Variants in CNBD1 observed in about 807,000 individuals in gnomAD.
The protein encoded by CNBD1 is cyclic nucleotide binding domain containing 1, also known as cyclic nucleotide-binding domain-containing protein 1.
Under a neutral mutation model 54.4 loss-of-function variants are expected in CNBD1, and 71 were observed. The observed-to-expected ratio is 1.30, with a 90% CI of 1.08 to 1.59. CNBD1 has a LOEUF of 1.59. Ranked by LOEUF, CNBD1 falls within the 40% of genes most tolerant of loss-of-function variation. CNBD1 has a pLI of 0.00. For missense variants in CNBD1, 659 were observed against 518.0 expected, an observed-to-expected ratio of 1.27 and a Z score of -2.64; for synonymous variants, 182 against 170.7, an observed-to-expected ratio of 1.07 and a Z score of -0.51.
downstream of CNBD1, among the ~76,000 whole-genome samples, chr8:87,386,318 C>G (rs553260256): frequency 2.0e-5 from 3 of 152,074 alleles, no homozygotes; most frequent in East Asian, 3.9e-4. Flanking sequence ...CTACTCCGAG[C>G]TAAAGCAGGA....
downstream of CNBD1, among the ~76,000 whole-genome samples, chr8:87,383,290 G>A (rs548382951): frequency 2.0e-5 from 3 of 152,016 alleles, no homozygotes; most frequent in African/African-American, 7.2e-5. Context: ...TATAGTTTCA[G>A]TTTATCTTTT....
At chr8:87,279,730 A>G (rs1808557785) in intron 6 of CNBD1, among the ~76,000 whole-genome samples, 1 of 151,128 alleles carries the variant, frequency 6.6e-6, no homozygotes, top group Non-Finnish European at 1.5e-5. Context: ...TTTTATATAT[A>G]TGTATAAATA....
intron 2 of CNBD1, among the ~76,000 whole-genome samples, chr8:87,389,780 G>T (rs185857514): frequency 6.6e-6 from 1 of 152,056 alleles, no homozygotes; most frequent in Non-Finnish European, 1.5e-5. Flanking sequence ...AAAGGAGCCC[G>T]CATTGCCCAG....
intron 4 of CNBD1, among the ~76,000 whole-genome samples, chr8:86,974,601 T>G (rs1808299808): frequency 6.6e-6 from 1 of 152,042 alleles, no homozygotes; most frequent in African/African-American, 2.4e-5. Flanking sequence ...ATGCCTATCA[T>G]CATATTTGAA....
intron 5 of CNBD1, among the ~76,000 whole-genome samples, chr8:87,229,731 A>G (rs1050233528): frequency 6.6e-6 from 1 of 152,108 alleles, no homozygotes; most frequent in African/African-American, 2.4e-5. Flanking sequence ...CCCCTAGTAC[A>G]TCTATACAGA....
chr8:86,880,950 A>G (rs2131778721), intron 1 of CNBD1, among the ~76,000 whole-genome samples: 1 of 152,316 alleles, frequency 6.6e-6, no homozygotes, highest in South Asian at 2.1e-4. Flanking sequence ...ATAGATGCAG[A>G]AAAAGGCTTT....
At chr8:87,061,422 C>G (rs1810544153) in intron 4 of CNBD1, among the ~76,000 whole-genome samples, 1 of 152,180 alleles carries the variant, frequency 6.6e-6, no homozygotes, top group African/African-American at 2.4e-5. Context: ...CCATAAGGAG[C>G]TAATTTACTT....
intron 2 of CNBD1, among the ~76,000 whole-genome samples, chr8:87,403,116 C>T (rs1184419108): frequency 7.2e-6 from 1 of 139,316 alleles, no homozygotes; most frequent in Non-Finnish European, 1.5e-5. Context: ...ATTAGAAGCA[C>T]CAACATAGAA....
At chr8:87,099,956 G>A (rs1352065075) in intron 4 of CNBD1, among the ~76,000 whole-genome samples, 3 of 152,166 alleles carry the variant, frequency 2.0e-5, no homozygotes, top group Non-Finnish European at 2.9e-5. Flanking sequence ...AACCCTATTT[G>A]TGGCAAACTC....
intron 8 of CNBD1, among the ~76,000 whole-genome samples, chr8:87,304,245 A>G (rs1264378512): frequency 6.6e-6 from 1 of 152,104 alleles, no homozygotes; most frequent in East Asian, 1.9e-4. Context: ...CCAAATGTCC[A>G]ACAATGATAG....
chr8:87,312,173 C>A (rs1809280466), intron 8 of CNBD1, among the ~76,000 whole-genome samples: 1 of 151,964 alleles, frequency 6.6e-6, no homozygotes, highest in African/African-American at 2.4e-5. Flanking sequence ...GTAATTTTCG[C>A]AATAAAACAT....
chr8:87,160,185 T>C (rs1812826196), intron 4 of CNBD1, among the ~76,000 whole-genome samples: 1 of 152,110 alleles, frequency 6.6e-6, no homozygotes, highest in South Asian at 2.1e-4. Flanking sequence ...GTGAAAAAAC[T>C]TATTTCTTAA....
At chr8:86,900,013 C>T (rs1187079753) in intron 2 of CNBD1, among the ~76,000 whole-genome samples, 1 of 152,120 alleles carries the variant, frequency 6.6e-6, no homozygotes, top group Non-Finnish European at 1.5e-5. Context: ...CACTTTCCCC[C>T]CTCTTTTCTT....
intron 10 of CNBD1, among the ~76,000 whole-genome samples, chr8:87,360,925 C>G (rs1810513119): frequency 6.6e-6 from 1 of 151,858 alleles, no homozygotes; most frequent in South Asian, 2.1e-4. Context: ...ATCTGTTAAG[C>G]ATTTCAGGGG....
chr8:87,407,595 A>G (rs117230878), intron 2 of CNBD1, among the ~76,000 whole-genome samples: 1,676 of 152,126 alleles, frequency 0.011, 12 homozygotes, highest in Non-Finnish European at 0.017. Flanking sequence ...ATTGATTTGT[A>G]TGGACTTTCA....
intron 4 of CNBD1, among the ~76,000 whole-genome samples, chr8:87,184,610 G>A (rs997962695): frequency 3.3e-5 from 5 of 152,138 alleles, no homozygotes; most frequent in African/African-American, 1.2e-4. Flanking sequence ...GGAGGTCTAT[G>A]GCTAGAGTGG....
At chr8:87,372,677 C>T (rs1252566596) in intron 10 of CNBD1, among the ~76,000 whole-genome samples, 1 of 151,816 alleles carries the variant, frequency 6.6e-6, no homozygotes, top group Non-Finnish European at 1.5e-5. Flanking sequence ...TAAGTGGCCT[C>T]TTTTCTGATG....
chr8:87,378,331 T>G (rs1243600631), intron 10 of CNBD1, among the ~76,000 whole-genome samples: 1 of 147,652 alleles, frequency 6.8e-6, no homozygotes, highest in Non-Finnish European at 1.5e-5. Context: ...GATTTTTGTA[T>G]AAGGTGTAAG....
chr8:87,026,856 C>G (rs1809658319), intron 4 of CNBD1, among the ~76,000 whole-genome samples: 2 of 152,184 alleles, frequency 1.3e-5, no homozygotes, highest in South Asian at 4.1e-4. Flanking sequence ...TCAGAGAAGA[C>G]ACACAAACCA....
Sources: allele counts gnomAD v4.1 joint callset (sites outside exome capture counted in the v4.1 genomes callset), GRCh38; gene constraint gnomAD v4.1.1; transcripts MANE v1.5; gene names NCBI Gene and HGNC (gene_info 2026-07-23, HGNC 2026-07-21).